NOVA1: variants seen among roughly 807,000 people sequenced by gnomAD.
NOVA1 encodes NOVA alternative splicing regulator 1.
Under a neutral mutation model 38.0 loss-of-function variants are expected in NOVA1, and 7 were observed. The observed-to-expected ratio is 0.18, with a 90% CI of 0.10 to 0.35. The LOEUF (loss-of-function observed/expected upper bound fraction) is 0.35. Among genes scored for constraint, NOVA1 ranks in the 10% least tolerant of loss-of-function variants. The probability of loss-of-function intolerance (pLI) is 1.00; values close to 1 mark genes in which losing one functional copy is unlikely to be tolerated. For missense variants in NOVA1, 460 were observed against 616.0 expected, an observed-to-expected ratio of 0.75 and a Z score of 2.68; for synonymous variants, 270 against 232.5, an observed-to-expected ratio of 1.16 and a Z score of -1.47.
chr14:26,533,077 TATA>T (rs1301900512), intron 2 of NOVA1, among the ~76,000 whole-genome samples: 1 of 152,180 alleles, frequency 6.6e-6, no homozygotes, highest in African/African-American at 2.4e-5. Context: ...CTGTGTAGAA[TATA>T]ATAAGTCTTT....
chr14:26,497,146 C>T (rs1406179619), intron 2 of NOVA1, among the ~76,000 whole-genome samples: 1 of 152,084 alleles, frequency 6.6e-6, no homozygotes. Context: ...TTCTTATACA[C>T]CAATAACAGA....
At chr14:26,537,763 T>C (rs1426406853) in intron 2 of NOVA1, among the ~76,000 whole-genome samples, 1 of 152,132 alleles carries the variant, frequency 6.6e-6, no homozygotes, top group Non-Finnish European at 1.5e-5. Flanking sequence ...CAGACAGTGA[T>C]AAGTGCTGTG....
intron 2 of NOVA1, among the ~76,000 whole-genome samples, chr14:26,560,894 C>T (rs1054245773): frequency 3.3e-5 from 5 of 152,080 alleles, no homozygotes; most frequent in Non-Finnish European, 7.4e-5. Context: ...GCTGCTTTAA[C>T]CAATGTTGAA....
chr14:26,539,391 G>T (rs1206612396), intron 2 of NOVA1, among the ~76,000 whole-genome samples: 1 of 151,944 alleles, frequency 6.6e-6, no homozygotes, highest in Non-Finnish European at 1.5e-5. Context: ...GACAAATCTG[G>T]AAAACAAAAC....
intron 2 of NOVA1, among the ~76,000 whole-genome samples, chr14:26,583,386 T>A (rs1356786318): frequency 6.6e-6 from 1 of 151,604 alleles, no homozygotes; most frequent in Non-Finnish European, 1.5e-5. Context: ...GAAATGGGAC[T>A]TTTCTTATGC....
At position 26,597,513 on chromosome 14, in the gene NOVA1, T is replaced by C. The variant is rs1312171632; in HGVS notation, c.-77A>G. 17 of 1,144,160 alleles carry C rather than the reference T, an allele frequency of 1.5e-5. No individual in the cohort carries two copies. The highest frequency in any genetic ancestry group is 9.9e-5 in the African/African-American group (6 of 60,554). 70.9% of individuals were successfully genotyped at this position (1,144,160 alleles called of 1,614,324 possible). A position where few individuals can be genotyped will look rare whatever the true frequency, so the allele number is the denominator to read the frequency against. On this transcript the variant is annotated 5_prime_UTR_variant, in exon 1 of 5. Coordinates refer to ENST00000539517, the MANE Select transcript of NOVA1 (RefSeq NM_002515.3). ...GCTTTTTCTTTTCTTTTTTCTTTTTTTTTTTTTTTTTTTTTTGCGTTTGGG... is the reference window on the plus strand; with the variant it reads ...GCTTTTTCTTTTCTTTTTTCTTTTTCTTTTTTTTTTTTTTTTGCGTTTGGG...
At chr14:26,507,512 T>C (rs201865931) in intron 2 of NOVA1, among the ~76,000 whole-genome samples, 1 of 152,166 alleles carries the variant, frequency 6.6e-6, no homozygotes, top group Non-Finnish European at 1.5e-5. Context: ...GTCAGTAAAA[T>C]AGATGCTGAA....
intron 2 of NOVA1, among the ~76,000 whole-genome samples, chr14:26,571,526 T>C (rs1892471127): frequency 6.6e-6 from 1 of 152,186 alleles, no homozygotes; most frequent in Non-Finnish European, 1.5e-5. Flanking sequence ...ATGAGTCACA[T>C]GGGCCTACCT....
chr14:26,581,889 T>C (rs1893248949), intron 2 of NOVA1, among the ~76,000 whole-genome samples: 1 of 151,936 alleles, frequency 6.6e-6, no homozygotes, highest in Non-Finnish European at 1.5e-5. Context: ...ATTTTACCTT[T>C]CACTATCTTA....
At chr14:26,575,486 G>A (rs1284415115) in intron 2 of NOVA1, among the ~76,000 whole-genome samples, 1 of 152,104 alleles carries the variant, frequency 6.6e-6, no homozygotes, top group East Asian at 1.9e-4. Context: ...TTAAGTCACA[G>A]ATTTTAAGCT....
At chr14:26,485,031 C>T (rs1057510818) in intron 2 of NOVA1, among the ~76,000 whole-genome samples, 8 of 151,128 alleles carry the variant, frequency 5.3e-5, no homozygotes, top group Admixed American at 2.6e-4. Context: ...AGAAATAAAA[C>T]ACAGAGAAAG....
At chr14:26,541,229 A>G (rs1890447405) in intron 2 of NOVA1, among the ~76,000 whole-genome samples, 1 of 152,100 alleles carries the variant, frequency 6.6e-6, no homozygotes. Context: ...AAAGAGACGC[A>G]TAAAAACCAA....
At chr14:26,533,592 A>G (rs1889871163) in intron 2 of NOVA1, among the ~76,000 whole-genome samples, 1 of 152,226 alleles carries the variant, frequency 6.6e-6, no homozygotes, top group South Asian at 2.1e-4. Flanking sequence ...TTGTTCATGT[A>G]TTCAACCATT....
intron 2 of NOVA1, among the ~76,000 whole-genome samples, chr14:26,498,385 A>G (rs1886979543): frequency 6.6e-6 from 1 of 152,060 alleles, no homozygotes; most frequent in Non-Finnish European, 1.5e-5. Flanking sequence ...GGATATTTCT[A>G]AGTAAATTAA....
chr14:26,516,802 TAA>T (rs1318454819), intron 2 of NOVA1, among the ~76,000 whole-genome samples: 3 of 152,176 alleles, frequency 2.0e-5, no homozygotes, highest in Non-Finnish European at 4.4e-5. Flanking sequence ...TGGTTGTCTT[TAA>T]TTATGTGTTA....
intron 3 of NOVA1, 93 bp downstream of exon 3, chr14:26,479,883 TA>T (rs1885312599): frequency 2.2e-6 from 3 of 1,369,712 alleles, no homozygotes; most frequent in Admixed American, 4.6e-5. Flanking sequence ...GTGCTTAAAA[TA>T]AAAGTTTTAT....
At chr14:26,489,103 AG>A (rs1886135678) in intron 2 of NOVA1, among the ~76,000 whole-genome samples, 1 of 152,098 alleles carries the variant, frequency 6.6e-6, no homozygotes. Context: ...ACGAGATGAG[AG>A]CAAGAAAATT....
chr14:26,574,714 G>A (rs540273732), intron 2 of NOVA1, among the ~76,000 whole-genome samples: 6 of 152,138 alleles, frequency 3.9e-5, no homozygotes, highest in Admixed American at 1.3e-4. Flanking sequence ...GTCTTGCTCC[G>A]TCGGTGAGAT....
In NOVA1 at chr14:26,547,041, T is replaced by C. The variant is rs566251647; in HGVS notation, c.280+48369A>G. 2.0e-4 allele frequency among the ~76,000 whole-genome samples: 31 copies of C among 152,192 alleles called. No individual in the cohort carries two copies. The South Asian group carries it at 6.2e-3, about 31-fold the overall frequency. ...TCAAAAAAATAAAATTAAATTAAAT[T>C]AAATTAAAATTCATATAATTTATGC... On this transcript the variant is annotated intron_variant, in intron 2 of 4. Coordinates refer to ENST00000539517, the MANE Select transcript of NOVA1 (RefSeq NM_002515.3).
Sources: allele counts gnomAD v4.1 joint callset (sites outside exome capture counted in the v4.1 genomes callset), GRCh38; gene constraint gnomAD v4.1.1; transcripts MANE v1.5; gene names NCBI Gene and HGNC (gene_info 2026-07-23, HGNC 2026-07-21).